METTL26: variants seen among roughly 807,000 people sequenced by gnomAD.
The protein encoded by METTL26 is methyltransferase-like 26.
In METTL26, 28 loss-of-function variants were observed where a neutral mutation model predicts 24.7. That is an observed-to-expected ratio of 1.13 (90% confidence interval 0.84 to 1.55). The LOEUF is 1.55. Among genes scored for constraint, METTL26 ranks in the 40% most tolerant of loss-of-function variants. The pLI is 0.00. For missense variants in METTL26, 344 were observed against 281.2 expected (o/e 1.22, Z -1.60); for synonymous variants, 165 against 125.2 (o/e 1.32, Z -2.12).
chr16:634,838 C>A, intron 4 of METTL26, 41 bp from the exon 5 acceptor site: 2 of 1,580,782 alleles, frequency 1.3e-6, no homozygotes, highest in Non-Finnish European at 1.7e-6. Flanking sequence ...CTGGGGGGTG[C>A]CACCCAAGCC....
intron 3 of METTL26, 119 bp downstream of exon 3, chr16:635,162 G>A: frequency 6.8e-7 from 1 of 1,474,644 alleles, no homozygotes; most frequent in South Asian, 1.3e-5. Context: ...GAAGTGGAGG[G>A]GAGGCCGTGC....
rs1159503136 is a variant in METTL26, at chr16:636,155, C to T, written c.136G>A (p.Ala46Thr). The change falls in exon 1 of 6, where the codon GCG becomes ACG. Residue 46 changes from alanine (A) to threonine (T), a missense_variant. Coordinates refer to ENST00000301686, the MANE Select transcript of METTL26 (RefSeq NM_032366.5). Reference protein sequence around the residue: ...SGSGQHAAHFARAFPLAEWQP... With the variant: ...SGSGQHAAHFTRAFPLAEWQP... Reference sequence around the variant, plus strand: ...CACTCGGCCAGGGGGAAGGCCCGCGCGAAGTGCGCTGCGTGCTGGCCGGAG... The same window carrying T: ...CACTCGGCCAGGGGGAAGGCCCGCGTGAAGTGCGCTGCGTGCTGGCCGGAG... The T allele has an allele frequency of 1.4e-6, 2 of 1,465,148 alleles. No homozygotes were observed. Among genetic ancestry groups the T allele is most frequent in the Admixed American group, 2.6e-5 (1 of 37,940 alleles). The allele number at this position is 1,465,148 out of a possible 1,614,324, so 90.8% of individuals were successfully genotyped here.
chr16:635,890 G>A (rs2037143351), intron 1 of METTL26, 116 bp from the exon 2 acceptor site: 14 of 1,389,604 alleles, frequency 1.0e-5, no homozygotes, highest in Non-Finnish European at 1.2e-5. Flanking sequence ...AGACCAAAGC[G>A]GCTGGGAAGG....
rs754427197 is a variant in METTL26, at chr16:634,644, C to A, written c.568G>T (p.Val190Leu). 2.2e-5 allele frequency: 35 copies of A among 1,613,112 alleles called. No individual in the cohort carries two copies. The highest frequency in any genetic ancestry group is 2.8e-5 in the Non-Finnish European group (33 of 1,179,984). ...KASGLLLERMVDMPANNKCLI... is the reference protein window; with the variant it reads ...KASGLLLERMLDMPANNKCLI... ...CATTTGTTGTTGGCTGGCATGTCCA[C>A]CTGGAGAAACACTTTGCTGGAGGAC... Residue 190 changes from valine to leucine, a missense_variant and splice_region_variant, in exon 6 of 6, where the codon GTG (valine) becomes TTG (leucine). By Grantham distance (32) the Val-to-Leu change is conservative. Coordinates refer to ENST00000301686, the MANE Select transcript of METTL26 (RefSeq NM_032366.5).
rs775727636 is a variant in METTL26, at chr16:634,679, C to T, written c.568-35G>A. Reference sequence around the variant, plus strand: ...CACTTTGCTGGAGGACGGCCCTCAACCCCTAGAGAGGTTGCCTGGGCCCCC... The same window carrying T: ...CACTTTGCTGGAGGACGGCCCTCAATCCCTAGAGAGGTTGCCTGGGCCCCC... On this transcript the variant is annotated intron_variant, in intron 5 of 5. Coordinates refer to ENST00000301686, the MANE Select transcript of METTL26 (RefSeq NM_032366.5). 138 of 1,612,916 alleles carry T rather than the reference C, an allele frequency of 8.6e-5. No individual in the cohort carries two copies. In the Middle Eastern group the frequency reaches 1.3e-3, roughly 15 times the overall value.
chr16:635,950 G>T, intron 1 of METTL26, 144 bp downstream of exon 1: 1 of 1,343,796 alleles, frequency 7.4e-7, no homozygotes, highest in Non-Finnish European at 9.8e-7. Flanking sequence ...CGCACAGCTA[G>T]GGCCTGCCCC....
chr16:635,587 C>T (rs1464730156), intron 2 of METTL26, 25 bp downstream of exon 2: 3 of 1,547,804 alleles, frequency 1.9e-6, no homozygotes, highest in South Asian at 1.2e-5. Context: ...CCACGGCAGA[C>T]ACCCATGCTG....
intron 5 of METTL26, 32 bp downstream of exon 5, chr16:634,687 G>A (rs764225691): frequency 6.2e-7 from 1 of 1,612,994 alleles, no homozygotes; most frequent in Non-Finnish European, 8.5e-7. Context: ...AACCCCTAGA[G>A]AGGTTGCCTG....
Position 636,235 on chromosome 16 carries a change from C to T in METTL26, c.56G>A (p.Arg19Gln), listed in dbSNP as rs868339921. 7.4e-6 allele frequency: 11 copies of T among 1,492,420 alleles called. No homozygotes were observed. The Middle Eastern group carries it at 7.0e-4, about 96-fold the overall frequency. The allele number at this position is 1,492,420 out of a possible 1,614,324, so 92.4% of individuals were successfully genotyped here. The stretch of plus-strand genomic sequence containing the variant: ...ACGCTGGGCCGGATCCAGGTACTGC[C>T]GCAGCACGTGCAAGATGGGATCCTT... ...RNKDPILHVL[R>Q]QYLDPAQRGV... The change falls in exon 1 of 6, where the codon CGG becomes CAG. Residue 19 changes from arginine to glutamine, a missense_variant. Physicochemically the swap from Arg to Gln is conservative, Grantham distance 43 (BLOSUM62 1). Coordinates refer to ENST00000301686, the MANE Select transcript of METTL26 (RefSeq NM_032366.5).
At chr16:635,935 G>A (rs2037147022) in intron 1 of METTL26, 159 bp downstream of exon 1, 1 of 1,336,666 alleles carries the variant, frequency 7.5e-7, no homozygotes, top group South Asian at 1.5e-5. Flanking sequence ...CGCAGCCGCG[G>A]GGGCCGCACA....
In METTL26 at chr16:635,679, A is replaced by G. The variant is rs1213350266; in HGVS notation, c.293T>C (p.Leu98Pro). ...TWGWEHWGGILPQSLDLLLCI... is the reference protein window; with the variant it reads ...TWGWEHWGGIPPQSLDLLLCI... Reference sequence around the variant, plus strand: ...GAGCAACAGGTCCAGCGACTGTGGCAGGATCCCGCCCCAGTGCTCCCAGCC... The same window carrying G: ...GAGCAACAGGTCCAGCGACTGTGGCGGGATCCCGCCCCAGTGCTCCCAGCC... The change falls in exon 2 of 6, where the codon CTG becomes CCG. Residue 98 changes from leucine to proline, a missense_variant. Physicochemically the swap from Leu to Pro is moderately conservative, Grantham distance 98 (BLOSUM62 -3). Coordinates refer to ENST00000301686, the MANE Select transcript of METTL26 (RefSeq NM_032366.5). 1 of 1,556,804 alleles carries G rather than the reference A, an allele frequency of 6.4e-7. No homozygotes were observed. The highest frequency in any genetic ancestry group is 1.9e-5 in the Admixed American group (1 of 51,458).
chr16:634,942 A>G lies in METTL26; in HGVS notation c.435T>C (p.Asn145=). 3.7e-6 allele frequency: 6 copies of G among 1,605,530 alleles called. No individual in the cohort carries two copies. Among genetic ancestry groups the G allele is most frequent in the Non-Finnish European group, 5.1e-6 (6 of 1,176,552 alleles). The part of the protein sequence containing the change: ...LLITYGPYAI[N]GKISPQSNVD... ...CGTTGCTCTGGGGGGAGATCTTCCCATTGATGGCATAGGGCTGTGGGCATG... is the reference window on the plus strand; with the variant it reads ...CGTTGCTCTGGGGGGAGATCTTCCCGTTGATGGCATAGGGCTGTGGGCATG... The change falls in exon 4 of 6, where the codon AAT becomes AAC. Residue 145 remains asparagine, a synonymous_variant. Coordinates refer to ENST00000301686, the MANE Select transcript of METTL26 (RefSeq NM_032366.5).
Position 634,817 on chromosome 16 carries a change from G to A in METTL26, c.489-20C>T. ...GGGTTCCTGCAGAGGGTGGGGAGATGGAGTCATGGCCTGGGGGGTGCCACC... is the reference window on the plus strand; with the variant it reads ...GGGTTCCTGCAGAGGGTGGGGAGATAGAGTCATGGCCTGGGGGGTGCCACC... On this transcript the variant is annotated intron_variant, in intron 4 of 5. Transcript: ENST00000301686. 6.2e-7 allele frequency: 1 copy of A among 1,601,378 alleles called. No individual in the cohort carries two copies. The highest frequency in any genetic ancestry group is 8.5e-7 in the Non-Finnish European group (1 of 1,173,844).
rs1280939295 is a variant in METTL26 at position 635,677 on chromosome 16, G to A, written c.295C>T (p.Pro99Ser). Residue 99 changes from proline to serine, a missense_variant, in exon 2 of 6, where the codon CCA becomes TCA. Transcript: ENST00000301686. Reference sequence around the variant, plus strand: ...CAGAGCAACAGGTCCAGCGACTGTGGCAGGATCCCGCCCCAGTGCTCCCAG... The same window carrying A: ...CAGAGCAACAGGTCCAGCGACTGTGACAGGATCCCGCCCCAGTGCTCCCAG... ...WGWEHWGGIL[P>S]QSLDLLLCIN... 1 of 1,556,008 alleles carries A rather than the reference G, an allele frequency of 6.4e-7. No individual in the cohort carries two copies. Among genetic ancestry groups the A allele is most frequent in the Middle Eastern group, 1.7e-4 (1 of 5,970 alleles).
rs1259603964 is a variant in METTL26, at chr16:634,499, G to A, written c.*98C>T. On this transcript the variant is annotated 3_prime_UTR_variant, in exon 6 of 6. Coordinates refer to ENST00000301686, the MANE Select transcript of METTL26 (RefSeq NM_032366.5). The stretch of plus-strand genomic sequence containing the variant: ...GCCAGCGGCTGAGAGCACAGACTGG[G>A]TGGGGCTGTCGTCCACAAGGTCCGG... The A allele has an allele frequency of 6.2e-7, 1 of 1,603,666 alleles. No individual in the cohort carries two copies. The highest frequency in any genetic ancestry group is 8.5e-7 in the Non-Finnish European group (1 of 1,171,872).
At chr16:634,984 G>T in intron 3 of METTL26, 28 bp from the exon 4 acceptor site, 1 of 1,574,892 alleles carries the variant, frequency 6.3e-7, no homozygotes, top group South Asian at 1.2e-5. Context: ...CAGCCCACTG[G>T]ACCAAGGTCG....
chr16:635,126 G>T, intron 3 of METTL26, 155 bp downstream of exon 3: 1 of 1,485,558 alleles, frequency 6.7e-7, no homozygotes. Context: ...GAGGCTGGCA[G>T]ATGACCCAGG....
intron 1 of METTL26, 68 bp from the exon 2 acceptor site, chr16:635,842 ATT>A (rs2037138885): frequency 1.4e-6 from 2 of 1,469,530 alleles, no homozygotes; most frequent in Non-Finnish European, 1.8e-6. Context: ...CCCCCACAGA[ATT>A]TCTTAGGGGA....
In METTL26 at chr16:635,706, C is replaced by T; in HGVS notation, c.266G>A (p.Trp89Ter). 1 of 1,567,542 alleles carries T rather than the reference C, an allele frequency of 6.4e-7. No homozygotes were observed. The highest frequency in any genetic ancestry group is 1.2e-5 in the South Asian group (1 of 85,270). ...GATCCCGCCCCAGTGCTCCCAGCCC[C>T]ACGTCACGTCCAGGTGTAGCGGGGC... ...VKAPLHLDVT[W>*]GWEHWGGILP... Residue 89 changes from tryptophan to a stop codon, truncating the protein, a stop_gained, in exon 2 of 6, where the codon TGG (tryptophan) becomes TAG (stop). Transcript: ENST00000301686. LOFTEE classifies it high-confidence loss of function.
Sources: gnomAD v4.1 joint callset for allele counts on GRCh38, gnomAD v4.1.1 for gene constraint, MANE v1.5 for transcripts, NCBI Gene and HGNC (gene_info 2026-07-23, HGNC 2026-07-21) for gene names.